Variants in VAT1L observed in about 807,000 individuals in gnomAD.
VAT1L encodes the protein putative NADPH-dependent quinone oxidoreductase VAT1L.
VAT1L carries 34 observed loss-of-function variants against 44.1 expected under a neutral mutation model. The ratio of observed to expected loss-of-function variants is 0.77; its 90% CI spans 0.59 to 1.03. VAT1L has a LOEUF of 1.03. VAT1L is among the 50% of genes least tolerant of loss of function. The probability of loss-of-function intolerance (pLI) is 0.00; values close to 1 mark genes in which losing one functional copy is unlikely to be tolerated. For missense variants in VAT1L, 615 were observed against 538.8 expected (o/e 1.14, Z -1.40); for synonymous variants, 253 against 202.2 (o/e 1.25, Z -2.13).
chr16:77,977,416 A>G (rs1278302290), intron 8 of VAT1L, among the ~76,000 whole-genome samples, 181 bp from the exon 9 acceptor site: 1 of 152,154 alleles, frequency 6.6e-6, no homozygotes, highest in Non-Finnish European at 1.5e-5. Context: ...TCAAATCCTT[A>G]TCTCAGCACC....
chr16:77,794,172 G>C (rs1006451421), intron 1 of VAT1L, among the ~76,000 whole-genome samples: 1 of 152,158 alleles, frequency 6.6e-6, no homozygotes, highest in Non-Finnish European at 1.5e-5. Flanking sequence ...GAGAGATCAA[G>C]AGACACAGAG....
intron 3 of VAT1L, 29 bp from the exon 4 acceptor site, chr16:77,862,719 G>T (rs1363713971): frequency 5.0e-6 from 8 of 1,601,072 alleles, no homozygotes; most frequent in Non-Finnish European, 6.8e-6. Flanking sequence ...GCTCCTATGT[G>T]TGACATAGCT....
At chr16:77,791,788 G>C (rs1451709160) in intron 1 of VAT1L, among the ~76,000 whole-genome samples, 1 of 152,162 alleles carries the variant, frequency 6.6e-6, no homozygotes, top group African/African-American at 2.4e-5. Flanking sequence ...AGAAAGTAGA[G>C]ACATTTTGGT....
At chr16:77,959,072 C>T (rs150726886) in intron 7 of VAT1L, among the ~76,000 whole-genome samples, 5 of 152,200 alleles carry the variant, frequency 3.3e-5, no homozygotes, top group African/African-American at 1.2e-4. Context: ...TGATCCTGCA[C>T]TTGTGTGACT....
chr16:77,841,122 C>G (rs2016699998), intron 3 of VAT1L, among the ~76,000 whole-genome samples: 3 of 152,128 alleles, frequency 2.0e-5, no homozygotes, highest in Admixed American at 2.0e-4. Flanking sequence ...GCTGTGTTGC[C>G]TGGACTAGAG....
chr16:77,911,730 G>T (rs1378333550), intron 7 of VAT1L, among the ~76,000 whole-genome samples: 3 of 152,152 alleles, frequency 2.0e-5, no homozygotes, highest in Non-Finnish European at 2.9e-5. Context: ...GTGTACACAA[G>T]GCACCCCAAG....
intron 7 of VAT1L, among the ~76,000 whole-genome samples, chr16:77,926,195 G>C (rs748826756): frequency 5.2e-4 from 76 of 147,224 alleles, no homozygotes; most frequent in Non-Finnish European, 8.2e-4. Context: ...GGAGCTTGCA[G>C]TGAGCCGAGA....
chr16:77,847,536 G>C (rs890008122), intron 3 of VAT1L, among the ~76,000 whole-genome samples: 2 of 152,188 alleles, frequency 1.3e-5, no homozygotes, highest in African/African-American at 2.4e-5. Context: ...CTGTCCATCA[G>C]AGTGTGGACA....
At chr16:77,882,506 C>A (rs2017166020) in intron 6 of VAT1L, 1 of 152,208 alleles carries the variant, frequency 6.6e-6, no homozygotes, top group South Asian at 2.1e-4. Flanking sequence ...CTGTGCTAAG[C>A]ACTTGATATG....
chr16:77,842,702 G>A (rs1201388243), intron 3 of VAT1L, among the ~76,000 whole-genome samples: 2 of 152,148 alleles, frequency 1.3e-5, no homozygotes, highest in African/African-American at 4.8e-5. Context: ...TTACTGTAAT[G>A]TCAGTTTCCT....
intron 7 of VAT1L, among the ~76,000 whole-genome samples, chr16:77,926,711 C>T (rs1408463768): frequency 1.3e-5 from 2 of 152,188 alleles, no homozygotes; most frequent in Non-Finnish European, 2.9e-5. Flanking sequence ...CCTCACCAAC[C>T]TCTATGCCCC....
intron 1 of VAT1L, chr16:77,801,658 A>G (rs1473983686): frequency 6.6e-6 from 1 of 151,350 alleles, no homozygotes; most frequent in African/African-American, 2.4e-5. Context: ...CCTCCTCCCA[A>G]CACAGGCACA....
intron 3 of VAT1L, among the ~76,000 whole-genome samples, chr16:77,849,265 A>G (rs2016785940): frequency 6.6e-6 from 1 of 152,242 alleles, no homozygotes; most frequent in African/African-American, 2.4e-5. Flanking sequence ...GAAACAAGAA[A>G]CAAATGTGCA....
chr16:77,978,653 G>A lies in VAT1L; in HGVS notation c.*958G>A, dbSNP rs994787930. On this transcript the variant is annotated 3_prime_UTR_variant, in exon 9 of 9. Coordinates refer to ENST00000302536, the MANE Select transcript of VAT1L (RefSeq NM_020927.3). ...AAAGTCAATGAGCATCTCCTTCCTT[G>A]CCAAAGCATGTCCCAACATGTAACA... The A allele has an allele frequency of 6.6e-6, 1 of 152,188 alleles. No homozygotes were observed. The highest frequency in any genetic ancestry group is 1.5e-5 in the Non-Finnish European group (1 of 68,034). 9.4% of individuals were successfully genotyped at this position (152,188 alleles called of 1,614,324 possible).
At chr16:77,901,920 T>C (rs914749152) in intron 7 of VAT1L, among the ~76,000 whole-genome samples, 1 of 152,214 alleles carries the variant, frequency 6.6e-6, no homozygotes, top group Non-Finnish European at 1.5e-5. Flanking sequence ...TCACCTCATT[T>C]ATGGTTTGCC....
intron 7 of VAT1L, among the ~76,000 whole-genome samples, chr16:77,901,966 G>A (rs2017388248): frequency 6.6e-6 from 1 of 152,182 alleles, no homozygotes; most frequent in African/African-American, 2.4e-5. Flanking sequence ...TTTTAGAGAA[G>A]CTATCAGCCA....
intron 4 of VAT1L, among the ~76,000 whole-genome samples, chr16:77,865,834 A>T (rs2016968285): frequency 6.6e-6 from 1 of 152,176 alleles, no homozygotes; most frequent in African/African-American, 2.4e-5. Context: ...GGGAGATGGC[A>T]TCTCTTCTGA....
chr16:77,843,853 G>A (rs1366658), intron 3 of VAT1L, among the ~76,000 whole-genome samples: 14,813 of 152,266 alleles, frequency 0.097, 1,108 homozygotes, highest in African/African-American at 0.21. Flanking sequence ...TAGACCCAGA[G>A]GTCTGGGCTT....
chr16:77,942,526 T>C (rs34938888), intron 7 of VAT1L, among the ~76,000 whole-genome samples: 24,774 of 152,036 alleles, frequency 0.16, 2,172 homozygotes, highest in Middle Eastern at 0.23. Flanking sequence ...GGTCAAATGG[T>C]AGTTCTGTTT....
Sources: allele counts gnomAD v4.1 joint callset (sites outside exome capture counted in the v4.1 genomes callset), GRCh38; gene constraint gnomAD v4.1.1; transcripts MANE v1.5; gene names NCBI Gene and HGNC (gene_info 2026-07-23, HGNC 2026-07-21).